CNTN4: variants seen among roughly 807,000 people sequenced by gnomAD.
CNTN4 encodes the protein contactin 4.
Under a neutral mutation model 122.5 loss-of-function variants are expected in CNTN4, and 77 were observed. The observed-to-expected ratio is 0.63, with a 90% confidence interval of 0.52 to 0.76. CNTN4 has a LOEUF of 0.76. Among genes scored for constraint, CNTN4 ranks in the 30% least tolerant of loss-of-function variants. The pLI is 0.00. For missense variants in CNTN4, 1,256 were observed against 1,259.1 expected, an observed-to-expected ratio of 1.00 and a Z score of 0.04; for synonymous variants, 512 against 447.0, an observed-to-expected ratio of 1.15 and a Z score of -1.83.
intron 3 of CNTN4, among the ~76,000 whole-genome samples, chr3:2,508,859 A>G (rs2076807404): frequency 6.6e-6 from 1 of 152,172 alleles, no homozygotes; most frequent in African/African-American, 2.4e-5. Flanking sequence ...TTTAATGAAA[A>G]AAAATCAGGC....
chr3:2,382,396 C>T (rs952557385), intron 3 of CNTN4, among the ~76,000 whole-genome samples: 7 of 152,000 alleles, frequency 4.6e-5, no homozygotes, highest in Non-Finnish European at 7.4e-5. Context: ...ACCTCATGAT[C>T]CACCCGCCTC....
intron 3 of CNTN4, among the ~76,000 whole-genome samples, chr3:2,528,243 T>C (rs377761838): frequency 8.1e-4 from 123 of 152,312 alleles, no homozygotes; most frequent in South Asian, 6.6e-3. Flanking sequence ...CTTGATTCTT[T>C]GTTGTATTTC....
intron 3 of CNTN4, among the ~76,000 whole-genome samples, chr3:2,551,339 A>C (rs1394762809): frequency 6.6e-6 from 1 of 152,162 alleles, no homozygotes; most frequent in African/African-American, 2.4e-5. Context: ...TGTCAGGAGA[A>C]GAAAAGTGGC....
chr3:2,865,907 T>G (rs1193394551), intron 7 of CNTN4, among the ~76,000 whole-genome samples: 1 of 152,212 alleles, frequency 6.6e-6, no homozygotes, highest in African/African-American at 2.4e-5. Context: ...TTCATCCCAC[T>G]GGTCTTATGG....
intron 20 of CNTN4, 137 bp downstream of exon 20, chr3:3,040,408 A>G: frequency 2.7e-6 from 2 of 737,156 alleles, no homozygotes; most frequent in Non-Finnish European, 4.7e-6. Context: ...GATAATGTAA[A>G]CAATTTGGTT....
chr3:2,500,495 TTTCTAATG>T (rs1286715722), intron 3 of CNTN4, among the ~76,000 whole-genome samples: 5 of 152,158 alleles, frequency 3.3e-5, no homozygotes, highest in Non-Finnish European at 7.4e-5. Flanking sequence ...TTGCCCCTCC[TTTCTAATG>T]AGAATTCTGC....
intron 4 of CNTN4, among the ~76,000 whole-genome samples, chr3:2,679,009 A>G (rs930796997): frequency 4.6e-5 from 7 of 152,160 alleles, no homozygotes; most frequent in African/African-American, 1.7e-4. Context: ...TGCCCCCTAT[A>G]TATCTGTTTT....
chr3:2,780,549 G>A (rs1454917538), intron 6 of CNTN4, among the ~76,000 whole-genome samples: 1 of 152,142 alleles, frequency 6.6e-6, no homozygotes, highest in African/African-American at 2.4e-5. Context: ...TAAAGACATG[G>A]AATTTCTGGC....
chr3:2,658,504 C>T lies in CNTN4; in HGVS notation c.56-77711C>T, dbSNP rs1487778917. Among the ~76,000 whole-genome samples the T allele has an allele frequency of 2.0e-5, 3 of 152,138 alleles. No homozygotes were observed. In the South Asian group the frequency reaches 6.2e-4, roughly 32 times the overall value. ...AAAAGTAAAGCACACAGAGGTAATA[C>T]GATTTACTGAAATTCACACAAATAA... On this transcript the variant is annotated intron_variant, in intron 4 of 24. Coordinates refer to ENST00000418658, the MANE Select transcript of CNTN4 (RefSeq NM_175607.3).
In CNTN4 at chr3:2,725,655, G is replaced by A. The variant is rs542426253; in HGVS notation, c.56-10560G>A. Among the ~76,000 whole-genome samples the A allele has an allele frequency of 2.1e-3, 312 of 152,192 alleles. 6 individuals carry two copies. The highest frequency in any genetic ancestry group is 5.6e-4 in the Non-Finnish European group (38 of 68,016). On this transcript the variant is annotated intron_variant, in intron 4 of 24. Transcript: ENST00000418658. Reference sequence around the variant, plus strand: ...CCATATGCATCCAGAAATACCAGAAGGGGTACAGTTCAAGGAAGCAGATTT... The same window carrying A: ...CCATATGCATCCAGAAATACCAGAAAGGGTACAGTTCAAGGAAGCAGATTT...
chr3:2,565,697 A>T (rs952967338), intron 3 of CNTN4, among the ~76,000 whole-genome samples: 1 of 152,214 alleles, frequency 6.6e-6, no homozygotes, highest in African/African-American at 2.4e-5. Flanking sequence ...GACTGATTGA[A>T]CATTAAGATT....
intron 3 of CNTN4, among the ~76,000 whole-genome samples, chr3:2,369,160 T>C (rs1204144397): frequency 1.7e-4 from 26 of 152,188 alleles, no homozygotes; most frequent in African/African-American, 6.3e-4. Flanking sequence ...CCTGACCTCG[T>C]GATCTGCTCA....
At chr3:3,018,079 A>C (rs2125568176) in intron 14 of CNTN4, among the ~76,000 whole-genome samples, 1 of 152,322 alleles carries the variant, frequency 6.6e-6, no homozygotes, top group South Asian at 2.1e-4. Flanking sequence ...AGCTCCTTCA[A>C]AATGTAGATC....
intron 7 of CNTN4, chr3:2,866,403 G>C: frequency 9.4e-7 from 1 of 1,058,912 alleles, no homozygotes; most frequent in Non-Finnish European, 1.2e-6. Flanking sequence ...AAGATTATAG[G>C]CACCCTGGGT....
At chr3:2,556,326 T>C (rs1249051778) in intron 3 of CNTN4, among the ~76,000 whole-genome samples, 4 of 152,174 alleles carry the variant, frequency 2.6e-5, no homozygotes, top group Non-Finnish European at 4.4e-5. Context: ...CATATGAATA[T>C]ACAAACGTTT....
chr3:2,643,472 G>A (rs1007273834), intron 4 of CNTN4, among the ~76,000 whole-genome samples: 6 of 152,124 alleles, frequency 3.9e-5, no homozygotes, highest in East Asian at 1.9e-4. Context: ...GTGCCCAGCC[G>A]GAAAGCTCTT....
intron 2 of CNTN4, among the ~76,000 whole-genome samples, chr3:2,305,866 A>G (rs932616209): frequency 6.6e-6 from 1 of 152,198 alleles, no homozygotes; most frequent in African/African-American, 2.4e-5. Context: ...AAGAAGTGTA[A>G]CACAAATAGA....
rs546654787 is a variant in CNTN4, at chr3:2,982,082, A to G, written c.1359-6263A>G. 1.2e-4 allele frequency among the ~76,000 whole-genome samples: 19 copies of G among 152,336 alleles called. No homozygotes were observed. In the East Asian group the frequency reaches 3.7e-3, roughly 29 times the overall value. On this transcript the variant is annotated intron_variant, in intron 13 of 24. Coordinates refer to ENST00000418658, the MANE Select transcript of CNTN4 (RefSeq NM_175607.3). ...TAAAACACATTAAAAGCAACAGGTCAAATTGTATACTTAGCCTTTATATGC... is the reference window on the plus strand; with the variant it reads ...TAAAACACATTAAAAGCAACAGGTCGAATTGTATACTTAGCCTTTATATGC...
intron 4 of CNTN4, among the ~76,000 whole-genome samples, chr3:2,691,792 G>A (rs2085754414): frequency 6.6e-6 from 1 of 152,112 alleles, no homozygotes; most frequent in South Asian, 2.1e-4. Context: ...GCAAAAATGT[G>A]CAAGCAAAAT....
Sources: allele counts gnomAD v4.1 joint callset (sites outside exome capture counted in the v4.1 genomes callset), GRCh38; gene constraint gnomAD v4.1.1; transcripts MANE v1.5; gene names NCBI Gene and HGNC (gene_info 2026-07-23, HGNC 2026-07-21).